PHRF1: variants seen among roughly 807,000 people sequenced by gnomAD.
The protein encoded by PHRF1 is PHD and RING finger domain-containing protein 1.
A neutral mutation model predicts 128.9 loss-of-function variants in PHRF1; 53 were observed. The observed-to-expected ratio is 0.41, with a 90% CI of 0.33 to 0.52. The LOEUF is 0.52. Among genes scored for constraint, PHRF1 ranks in the 20% least tolerant of loss-of-function variants. The pLI is 0.21. For synonymous variants in PHRF1, 1,178 were observed against 980.6 expected, an observed-to-expected ratio of 1.20 and a Z score of -3.76; for missense variants, 2,503 against 2,284.5, an observed-to-expected ratio of 1.10 and a Z score of -1.95.
chr11:582,309 G>C (rs1305222421), intron 3 of PHRF1, among the ~76,000 whole-genome samples: 1 of 150,666 alleles, frequency 6.6e-6, no homozygotes, highest in East Asian at 1.9e-4. Context: ...CTGTTGCCCA[G>C]GCTGGAGTAC....
At position 598,638 on chromosome 11, in the gene PHRF1, T is replaced by C; in HGVS notation, c.1024+136T>C. On this transcript the variant is annotated intron_variant, in intron 9 of 17. Transcript: ENST00000264555. ...AGTTAATCTTCTCTGCTGAAAACAC[T>C]ACACAGAAGCCGCGCCGGGCCCGGG... The C allele has an allele frequency of 3.7e-6, 5 of 1,350,192 alleles. No individual in the cohort carries two copies. The South Asian group carries it at 6.0e-5, about 16-fold the overall frequency. 83.6% of individuals were successfully genotyped at this position (1,350,192 alleles called of 1,614,324 possible). A position where few individuals can be genotyped will look rare whatever the true frequency, so the allele number is the denominator to read the frequency against.
At chr11:581,750 ATTG>A in intron 2 of PHRF1, 144 bp downstream of exon 2, 1 of 1,032,414 alleles carries the variant, frequency 9.7e-7, no homozygotes, top group Non-Finnish European at 1.4e-6. Flanking sequence ...GAAGTAGTGT[ATTG>A]TTTTGTTTTA....
intron 1 of PHRF1, among the ~76,000 whole-genome samples, chr11:578,805 C>T (rs1854037384): frequency 1.3e-5 from 2 of 152,208 alleles, no homozygotes; most frequent in South Asian, 4.1e-4. Context: ...CCTGCCTCAG[C>T]CTCCCAAAGT....
intron 15 of PHRF1, 31 bp from the exon 16 acceptor site, chr11:610,470 G>A (rs1421014393): frequency 2.5e-6 from 4 of 1,588,730 alleles, no homozygotes; most frequent in East Asian, 4.5e-5. Flanking sequence ...TAGCTGTAGG[G>A]CCCAGTGCTC....
At position 609,480 on chromosome 11, in the gene PHRF1, C is replaced by T. The variant is rs758552918; in HGVS notation, c.4024C>T (p.Gln1342Ter). Residue 1342 changes from glutamine (Q) to a stop codon, truncating the protein, a stop_gained, in exon 14 of 18, where the codon CAG becomes TAG. Transcript: ENST00000264555. LOFTEE classifies it high-confidence loss of function. ...SQPPPLPEGT[Q>*]EPHLLRPDAA... ...GCCCCCACCCCTGCCAGAGGGCACC[C>T]AGGAGCCACATTTGCTCAGGCCGGA... The T allele has an allele frequency of 6.2e-7, 1 of 1,605,226 alleles. No homozygotes were observed. Among genetic ancestry groups the T allele is most frequent in the East Asian group, 2.2e-5 (1 of 44,832 alleles).
chr11:582,080 T>C lies in PHRF1; in HGVS notation c.213T>C (p.Ser71=), dbSNP rs1234005473. ...AGGAGGAAGACCTGGAAGACAGATC[T>C]GGTGAGACAGCTGGTGTTCACGCCG... ...ASEEEDLEDR[S]GSEDSEDDGE... The change falls in exon 3 of 18, where the codon TCT becomes TCC. Residue 71 remains serine, a splice_region_variant and synonymous_variant. Coordinates refer to ENST00000264555, the MANE Select transcript of PHRF1 (RefSeq NM_001286581.2). 2 of 1,590,398 alleles carry C rather than the reference T, an allele frequency of 1.3e-6. No homozygotes were observed. The highest frequency in any genetic ancestry group is 1.7e-6 in the Non-Finnish European group (2 of 1,168,794).
At chr11:605,794 G>A in intron 12 of PHRF1, 70 bp downstream of exon 12, 1 of 1,516,430 alleles carries the variant, frequency 6.6e-7, no homozygotes, top group Non-Finnish European at 8.8e-7. Flanking sequence ...TTCTAGGGTG[G>A]GGCCGTGATA....
chr11:598,625 C>G (rs1387762609), intron 9 of PHRF1, 123 bp downstream of exon 9: 5 of 1,396,048 alleles, frequency 3.6e-6, no homozygotes, highest in African/African-American at 2.9e-5. Flanking sequence ...TTAATCTTCT[C>G]TGCTGAAAAC....
intron 3 of PHRF1, among the ~76,000 whole-genome samples, chr11:587,039 G>A (rs1184238446): frequency 2.0e-5 from 3 of 152,188 alleles, no homozygotes; most frequent in South Asian, 2.1e-4. Flanking sequence ...CCCGCCCCTC[G>A]GTGCAGGGCA....
chr11:600,044 T>C (rs529380307), intron 9 of PHRF1, among the ~76,000 whole-genome samples: 1 of 152,198 alleles, frequency 6.6e-6, no homozygotes, highest in East Asian at 1.9e-4. Context: ...TCACTACAGA[T>C]GTGCAGTGAG....
chr11:610,804 C>T (rs1480058048), intron 16 of PHRF1, 43 bp downstream of exon 16: 1 of 1,590,418 alleles, frequency 6.3e-7, no homozygotes, highest in Middle Eastern at 1.7e-4. Flanking sequence ...TCCCATCTTA[C>T]TTTGAAACTA....
chr11:599,973 G>C (rs1855533534), intron 9 of PHRF1, among the ~76,000 whole-genome samples: 1 of 152,204 alleles, frequency 6.6e-6, no homozygotes, highest in Non-Finnish European at 1.5e-5. Flanking sequence ...ACCACAGTTT[G>C]TCCTGTTGAT....
At chr11:611,228 A>T in intron 17 of PHRF1, 146 bp downstream of exon 17, 1 of 1,331,022 alleles carries the variant, frequency 7.5e-7, no homozygotes, top group Non-Finnish European at 1.0e-6. Context: ...GTATTGCCAC[A>T]TCCTGTAGGC....
intron 9 of PHRF1, 83 bp from the exon 10 acceptor site, chr11:601,491 T>C (rs1213090936): frequency 8.3e-6 from 13 of 1,567,186 alleles, no homozygotes; most frequent in Non-Finnish European, 1.1e-5. Context: ...CTCCTTGGGC[T>C]CCGTCCACTG....
At chr11:603,281 C>T (rs1438981269) in intron 10 of PHRF1, among the ~76,000 whole-genome samples, 2 of 152,148 alleles carry the variant, frequency 1.3e-5, no homozygotes, top group Non-Finnish European at 1.5e-5. Context: ...GTCTTAGACT[C>T]CCGGGCTTAA....
chr11:593,613 G>A (rs534382539), intron 6 of PHRF1, among the ~76,000 whole-genome samples: 38 of 152,338 alleles, frequency 2.5e-4, no homozygotes, highest in Non-Finnish European at 3.8e-4. Flanking sequence ...TGCAGGAATC[G>A]CTGGCTGTCC....
rs540867065 is a variant in PHRF1 at position 593,430 on chromosome 11, C to T, written c.620+756C>T. 5.3e-5 allele frequency among the ~76,000 whole-genome samples: 8 copies of T among 152,320 alleles called. No individual in the cohort carries two copies. In the South Asian group the frequency reaches 6.2e-4, roughly 12 times the overall value. On this transcript the variant is annotated intron_variant, in intron 6 of 17. Coordinates refer to ENST00000264555, the MANE Select transcript of PHRF1 (RefSeq NM_001286581.2). ...CCGGAGCCAGGAGGCCTTGACGTGCCGCGGCTGGAGCCGCACCGAGGATGG... is the reference window on the plus strand; with the variant it reads ...CCGGAGCCAGGAGGCCTTGACGTGCTGCGGCTGGAGCCGCACCGAGGATGG...
intron 3 of PHRF1, among the ~76,000 whole-genome samples, chr11:582,514 G>C (rs1854266303): frequency 6.6e-6 from 1 of 151,606 alleles, no homozygotes; most frequent in African/African-American, 2.4e-5. Context: ...CGCTGTGCCT[G>C]GCCTGTAGTC....
intron 1 of PHRF1, among the ~76,000 whole-genome samples, chr11:579,748 C>T (rs1406765370): frequency 6.6e-6 from 1 of 152,244 alleles, no homozygotes; most frequent in Non-Finnish European, 1.5e-5. Flanking sequence ...TTTGGCAAAA[C>T]TACTTCTACA....
Sources: allele counts gnomAD v4.1 joint callset (sites outside exome capture counted in the v4.1 genomes callset), GRCh38; gene constraint gnomAD v4.1.1; transcripts MANE v1.5; gene names NCBI Gene and HGNC (gene_info 2026-07-23, HGNC 2026-07-21).